The following PDE4D variants were observed in gnomAD, a reference collection of about 807,000 sequenced individuals.
The protein encoded by PDE4D is 3',5'-cyclic-AMP phosphodiesterase 4D.
PDE4D carries 24 observed loss-of-function variants against 87.4 expected under a neutral mutation model. The ratio of observed to expected loss-of-function variants is 0.27; its 90% CI spans 0.20 to 0.39. The LOEUF is 0.39. PDE4D is among the 10% of genes least tolerant of loss of function. The pLI is 1.00. For missense variants in PDE4D, 714 were observed against 1,041.0 expected, an observed-to-expected ratio of 0.69 and a Z score of 4.32; for synonymous variants, 384 against 383.2, an observed-to-expected ratio of 1.00 and a Z score of -0.02.
At chr5:59,171,062 A>T in intron 5 of PDE4D, among the ~76,000 whole-genome samples, 1 of 151,990 alleles carries the variant, frequency 6.6e-6, no homozygotes, top group East Asian at 1.9e-4. Context: ...TTGTATTTTT[A>T]GTAGAGATGG....
At chr5:59,431,189 G>A (rs1796062154) in intron 1 of PDE4D, among the ~76,000 whole-genome samples, 1 of 152,100 alleles carries the variant, frequency 6.6e-6, no homozygotes, top group Admixed American at 6.6e-5. Context: ...GATAGTGAAT[G>A]TTACTAATTC....
intron 1 of PDE4D, among the ~76,000 whole-genome samples, chr5:59,522,783 C>G (rs939703378): frequency 6.6e-6 from 1 of 152,108 alleles, no homozygotes; most frequent in Non-Finnish European, 1.5e-5. Context: ...TTCAGAGGAC[C>G]TCTACTGCTA....
chr5:59,921,991 C>T (rs1385555909), intron 3 of PDE4D, among the ~76,000 whole-genome samples: 1 of 152,198 alleles, frequency 6.6e-6, no homozygotes, highest in South Asian at 2.1e-4. Flanking sequence ...ACCCCTCCCC[C>T]ATGCGTCAGC....
chr5:59,925,939 T>G (rs1755216493), intron 3 of PDE4D, among the ~76,000 whole-genome samples: 1 of 152,120 alleles, frequency 6.6e-6, no homozygotes, highest in Non-Finnish European at 1.5e-5. Context: ...ACACTCCACT[T>G]TCAGCATTGG....
intron 2 of PDE4D, among the ~76,000 whole-genome samples, chr5:60,103,492 C>T (rs548293943): frequency 8.5e-5 from 13 of 152,250 alleles, no homozygotes; most frequent in Admixed American, 5.2e-4. Flanking sequence ...ATTTATTAAA[C>T]AGGAATGAAG....
At chr5:60,147,879 A>C in intron 2 of PDE4D, 1 of 432,246 alleles carries the variant, frequency 2.3e-6, no homozygotes, top group Non-Finnish European at 4.6e-6. Flanking sequence ...AGAGTGAGTG[A>C]TTGGAGAAAG....
At chr5:59,943,883 A>G (rs1221381877) in intron 3 of PDE4D, among the ~76,000 whole-genome samples, 1 of 152,202 alleles carries the variant, frequency 6.6e-6, no homozygotes, top group Middle Eastern at 3.2e-3. Context: ...GTGCCCTAGA[A>G]GCACTTATAC....
intron 1 of PDE4D, among the ~76,000 whole-genome samples, chr5:60,261,696 T>A (rs958339995): frequency 3.9e-5 from 6 of 152,118 alleles, no homozygotes; most frequent in East Asian, 1.9e-4. Flanking sequence ...AATGATTTTT[T>A]AAAAAAATCA....
intron 3 of PDE4D, among the ~76,000 whole-genome samples, chr5:59,945,277 C>A (rs924321773): frequency 3.3e-5 from 5 of 152,184 alleles, no homozygotes; most frequent in Non-Finnish European, 5.9e-5. Context: ...AAGAGAGTAT[C>A]ATTTACTGTT....
At chr5:60,332,463 A>C (rs193181925) in intron 1 of PDE4D, among the ~76,000 whole-genome samples, 4 of 152,278 alleles carry the variant, frequency 2.6e-5, no homozygotes, top group African/African-American at 9.6e-5. Flanking sequence ...TTTTCACATT[A>C]ATTCATTTAT....
intron 1 of PDE4D, among the ~76,000 whole-genome samples, chr5:59,552,313 G>C (rs1273732042): frequency 6.6e-6 from 1 of 151,704 alleles, no homozygotes; most frequent in African/African-American, 2.4e-5. Context: ...TTTTGTATTT[G>C]GCTACCTATC....
chr5:60,200,592 G>A (rs1305848986), intron 1 of PDE4D, among the ~76,000 whole-genome samples: 1 of 152,106 alleles, frequency 6.6e-6, no homozygotes, highest in East Asian at 1.9e-4. Flanking sequence ...CAGTACATTT[G>A]ACTCTACTGT....
intron 11 of PDE4D, among the ~76,000 whole-genome samples, chr5:58,980,059 C>T (rs1428875264): frequency 6.6e-6 from 1 of 152,130 alleles, no homozygotes; most frequent in Non-Finnish European, 1.5e-5. Context: ...TCATTTAATC[C>T]TCATAACTCT....
intron 1 of PDE4D, among the ~76,000 whole-genome samples, chr5:59,442,565 C>A (rs1797795630): frequency 6.6e-6 from 1 of 151,974 alleles, no homozygotes; most frequent in South Asian, 2.1e-4. Context: ...TACCTTTTTG[C>A]CTGGAGGTAA....
chr5:60,093,449 T>C (rs1189296236), intron 2 of PDE4D, among the ~76,000 whole-genome samples: 2 of 152,220 alleles, frequency 1.3e-5, no homozygotes, highest in African/African-American at 4.8e-5. Flanking sequence ...TCAAGAGATA[T>C]ACCAGTTTTC....
At position 59,272,501 on chromosome 5, in the gene PDE4D, A is replaced by G. The variant is rs183823819; in HGVS notation, c.456-56533T>C. Among the ~76,000 whole-genome samples the G allele has an allele frequency of 3.3e-3, 505 of 152,184 alleles. 1 individual carries two copies. The highest frequency in any genetic ancestry group is 5.5e-3 in the Non-Finnish European group (371 of 67,970). ...TAGCTTTATGAGCATAAGAAAATAT[A>G]TAAAGTTTTTCTCAATTTCATGCAG... On this transcript the variant is annotated intron_variant, in intron 1 of 14. Coordinates refer to ENST00000340635, the MANE Select transcript of PDE4D (RefSeq NM_001104631.2).
At chr5:58,978,738 TTTTTTTGTTA>T (rs1405084408) in intron 11 of PDE4D, among the ~76,000 whole-genome samples, 3 of 152,114 alleles carry the variant, frequency 2.0e-5, no homozygotes, top group Non-Finnish European at 4.4e-5. Flanking sequence ...TTGTACAGTA[TTTTTTTGTTA>T]TTTTTTGTTT....
intron 1 of PDE4D, among the ~76,000 whole-genome samples, chr5:59,750,945 C>CA (rs34787047): frequency 0.26 from 17,768 of 68,268 alleles, 1,908 homozygotes; most frequent in Middle Eastern, 0.33. Flanking sequence ...GACCCTGTCT[C>CA]AAAAAAAAAA....
intron 1 of PDE4D, among the ~76,000 whole-genome samples, chr5:59,518,328 C>T (rs1203531785): frequency 4.0e-5 from 6 of 151,832 alleles, no homozygotes; most frequent in Admixed American, 6.6e-5. Flanking sequence ...AAATAAAGCA[C>T]GCTCGAGTAT....
Sources: gnomAD v4.1 joint callset for allele counts (sites outside exome capture counted in the v4.1 genomes callset) on GRCh38, gnomAD v4.1.1 for gene constraint, MANE v1.5 for transcripts, NCBI Gene and HGNC (gene_info 2026-07-23, HGNC 2026-07-21) for gene names.